Variants in ADAM32 observed in about 807,000 individuals in gnomAD.
The protein encoded by ADAM32 is disintegrin and metalloproteinase domain-containing protein 32.
ADAM32 carries 89 observed loss-of-function variants against 114.9 expected under a neutral mutation model. The ratio of observed to expected loss-of-function variants is 0.77; its 90% CI spans 0.65 to 0.92. The LOEUF is 0.92. Ranked by LOEUF, ADAM32 falls within the 40% of genes least tolerant of loss-of-function variation. The pLI is 0.00. For missense variants in ADAM32, 870 were observed against 932.8 expected, an observed-to-expected ratio of 0.93 and a Z score of 0.88; for synonymous variants, 285 against 307.5, an observed-to-expected ratio of 0.93 and a Z score of 0.77.
At chr8:39,203,425 G>A (rs552485521) in intron 11 of ADAM32, among the ~76,000 whole-genome samples, 1 of 152,112 alleles carries the variant, frequency 6.6e-6, no homozygotes, top group South Asian at 2.1e-4. Flanking sequence ...TTGGTTTAAA[G>A]TCTGTTTATC....
intron 1 of ADAM32, among the ~76,000 whole-genome samples, chr8:39,115,480 T>C (rs933345131): frequency 3.9e-5 from 6 of 152,224 alleles, no homozygotes; most frequent in African/African-American, 1.4e-4. Context: ...GATATGTCAC[T>C]GTTGTTTTGA....
In ADAM32 at chr8:39,189,122, T is replaced by A. The variant is rs1806436804; in HGVS notation, c.1052+2077T>A. Among the ~76,000 whole-genome samples the A allele has an allele frequency of 2.6e-5, 4 of 152,322 alleles. No individual in the cohort carries two copies. In the South Asian group the frequency reaches 8.3e-4, roughly 32 times the overall value. On this transcript the variant is annotated intron_variant, in intron 11 of 24. Transcript: ENST00000379907. ...ATAATTGAATTAGACACTTCACTTATTTAATTATACTTAATTCTCACAGCC... is the reference window on the plus strand; with the variant it reads ...ATAATTGAATTAGACACTTCACTTAATTAATTATACTTAATTCTCACAGCC...
At chr8:39,189,864 C>CTCGGCTCACTGCAAGCT (rs1239052191) in intron 11 of ADAM32, among the ~76,000 whole-genome samples, 1 of 151,990 alleles carries the variant, frequency 6.6e-6, no homozygotes, top group Non-Finnish European at 1.5e-5. Flanking sequence ...GTGGCGCGAT[C>CTCGGCTCACTGCAAGCT]TCGGCTCACT....
At chr8:39,181,271 G>T (rs765417466) in intron 10 of ADAM32, among the ~76,000 whole-genome samples, 8 of 152,178 alleles carry the variant, frequency 5.3e-5, no homozygotes, top group Non-Finnish European at 1.5e-5. Context: ...CCTGAAGCCA[G>T]CGAGCCCATG....
chr8:39,206,719 A>C (rs1467058582), intron 11 of ADAM32, among the ~76,000 whole-genome samples: 1 of 152,160 alleles, frequency 6.6e-6, no homozygotes, highest in Admixed American at 6.5e-5. Context: ...CTGGAGACAC[A>C]ACTACATTCC....
chr8:39,152,409 C>T (rs1206279318), intron 6 of ADAM32, among the ~76,000 whole-genome samples: 1 of 152,098 alleles, frequency 6.6e-6, no homozygotes, highest in Non-Finnish European at 1.5e-5. Context: ...TATGCTCTCC[C>T]TGTTTTCTGT....
intron 6 of ADAM32, among the ~76,000 whole-genome samples, chr8:39,153,658 G>A (rs973603210): frequency 1.3e-5 from 2 of 152,108 alleles, no homozygotes; most frequent in African/African-American, 4.8e-5. Context: ...TTTCTCTGTG[G>A]GACTGTGTCT....
chr8:39,181,092 A>C (rs1805854696), intron 10 of ADAM32, among the ~76,000 whole-genome samples: 1 of 152,262 alleles, frequency 6.6e-6, no homozygotes, highest in African/African-American at 2.4e-5. Flanking sequence ...AGATAAGAGA[A>C]TAAAAGCAGG....
At chr8:39,206,362 G>A (rs151226500) in intron 11 of ADAM32, among the ~76,000 whole-genome samples, 1,786 of 152,314 alleles carry the variant, frequency 0.012, 8 homozygotes, top group Non-Finnish European at 0.017. Flanking sequence ...TGGCATCCAA[G>A]TGACATGCTC....
intron 11 of ADAM32, among the ~76,000 whole-genome samples, chr8:39,203,557 C>T (rs1282769297): frequency 6.6e-6 from 1 of 152,152 alleles, no homozygotes; most frequent in Non-Finnish European, 1.5e-5. Flanking sequence ...CTGAATACAG[C>T]ACACTGATGG....
At chr8:39,278,512 C>G (rs2129451656) in intron 22 of ADAM32, among the ~76,000 whole-genome samples, 1 of 152,238 alleles carries the variant, frequency 6.6e-6, no homozygotes, top group South Asian at 2.1e-4. Context: ...TATTTCCAGT[C>G]TTTTCCTAAG....
At chr8:39,113,254 C>T (rs889423912) in intron 1 of ADAM32, among the ~76,000 whole-genome samples, 3 of 152,150 alleles carry the variant, frequency 2.0e-5, no homozygotes, top group African/African-American at 7.2e-5. Context: ...CAGGCCTAGG[C>T]GAGCTGCCAG....
chr8:39,133,312 C>A (rs922599179), intron 2 of ADAM32, among the ~76,000 whole-genome samples: 1 of 152,190 alleles, frequency 6.6e-6, no homozygotes, highest in African/African-American at 2.4e-5. Context: ...CTTCTTGAGA[C>A]CCACATCAGA....
chr8:39,254,451 G>A lies in ADAM32; in HGVS notation c.1940G>A (p.Gly647Asp). 3 of 1,602,396 alleles carry A rather than the reference G, an allele frequency of 1.9e-6. No individual in the cohort carries two copies. The highest frequency in any genetic ancestry group is 2.3e-5 in the South Asian group (2 of 88,520). Residue 647 changes from glycine to aspartate, a missense_variant, in exon 18 of 25, where the codon GGC becomes GAC. Gly to Asp is a moderately conservative substitution (Grantham distance 94). Transcript: ENST00000379907. ...AGAAACAAGTGCCATTGTTCGCCAG[G>A]CTATAAGCCTCCAAACTGCCAAATA... is the stretch of plus-strand genomic sequence containing the variant. ...DSRNKCHCSP[G>D]YKPPNCQIRS...
intron 10 of ADAM32, among the ~76,000 whole-genome samples, chr8:39,174,500 ATTTATTTG>A (rs1805391135): frequency 6.7e-6 from 1 of 150,162 alleles, no homozygotes; most frequent in Admixed American, 6.6e-5. Context: ...TTATTTATTT[ATTTATTTG>A]TTTATTTTTT....
intron 10 of ADAM32, among the ~76,000 whole-genome samples, chr8:39,180,524 C>T (rs546179715): frequency 9.1e-4 from 138 of 152,342 alleles, no homozygotes; most frequent in Admixed American, 2.2e-3. Flanking sequence ...GCACATGGCG[C>T]GGGACTGGCA....
intron 19 of ADAM32, among the ~76,000 whole-genome samples, chr8:39,262,933 C>A (rs2129450964): frequency 6.6e-6 from 1 of 152,130 alleles, no homozygotes; most frequent in South Asian, 2.1e-4. Flanking sequence ...GTCTCAAACT[C>A]CTGGCCTCAA....
intron 11 of ADAM32, among the ~76,000 whole-genome samples, chr8:39,202,985 T>C (rs2129447928): frequency 6.6e-6 from 1 of 152,384 alleles, no homozygotes; most frequent in East Asian, 1.9e-4. Context: ...GATTGCACTG[T>C]AGTCTGAGAG....
chr8:39,223,069 G>A lies in ADAM32; in HGVS notation c.1356G>A (p.Pro452=), dbSNP rs201200289. The part of the protein sequence containing the change: ...QILQSGVECR[P]KAHPECDIAE... Reference sequence around the variant, plus strand: ...TACAATCAGGCGTTGAATGTAGGCCGAAAGCACATCCTGAATGTGACATCG... The same window carrying A: ...TACAATCAGGCGTTGAATGTAGGCCAAAAGCACATCCTGAATGTGACATCG... Residue 452 remains proline, a synonymous_variant, in exon 14 of 25, where the codon CCG becomes CCA. Coordinates refer to ENST00000379907, the MANE Select transcript of ADAM32 (RefSeq NM_145004.7). 2.5e-5 allele frequency: 40 copies of A among 1,587,986 alleles called. No homozygotes were observed. Among genetic ancestry groups the A allele is most frequent in the South Asian group, 4.6e-5 (4 of 86,170 alleles).
Sources: allele counts gnomAD v4.1 joint callset (sites outside exome capture counted in the v4.1 genomes callset), GRCh38; gene constraint gnomAD v4.1.1; transcripts MANE v1.5; gene names NCBI Gene and HGNC (gene_info 2026-07-23, HGNC 2026-07-21).